Variants in CADM2 observed in about 807,000 individuals in gnomAD.
The protein encoded by CADM2 is cell adhesion molecule 2, also known as immunoglobulin superfamily member 4D.
A neutral mutation model predicts 49.8 loss-of-function variants in CADM2; 12 were observed. The observed-to-expected ratio is 0.24, with a 90% CI of 0.15 to 0.39. CADM2 has a LOEUF of 0.39. CADM2 is among the 10% of genes least tolerant of loss of function. CADM2 has a pLI of 1.00. For missense variants in CADM2, 378 were observed against 492.3 expected, an observed-to-expected ratio of 0.77 and a Z score of 2.20; for synonymous variants, 214 against 175.4, an observed-to-expected ratio of 1.22 and a Z score of -1.74.
At chr3:85,406,397 T>C (rs2035380046) in intron 1 of CADM2, among the ~76,000 whole-genome samples, 1 of 152,172 alleles carries the variant, frequency 6.6e-6, no homozygotes, top group Non-Finnish European at 1.5e-5. Context: ...TGCTATACAT[T>C]TTGAGGTTTA....
chr3:85,291,856 G>T (rs1012196808), intron 1 of CADM2, among the ~76,000 whole-genome samples: 3 of 149,202 alleles, frequency 2.0e-5, no homozygotes, highest in Non-Finnish European at 4.4e-5. Context: ...AAAGACCATC[G>T]AGACTAGGAA....
At chr3:85,245,759 A>T (rs1358953925) in intron 1 of CADM2, among the ~76,000 whole-genome samples, 2 of 152,136 alleles carry the variant, frequency 1.3e-5, no homozygotes, top group Non-Finnish European at 2.9e-5. Flanking sequence ...TAAATGCATT[A>T]GCTATATTAA....
At chr3:85,657,755 T>C (rs1169023517) in intron 1 of CADM2, among the ~76,000 whole-genome samples, 8 of 114,094 alleles carry the variant, frequency 7.0e-5, no homozygotes, top group Admixed American at 2.7e-4. Flanking sequence ...TATATATATA[T>C]ACACAGATAT....
chr3:85,874,991 A>G (rs749205338), intron 3 of CADM2, among the ~76,000 whole-genome samples: 6 of 152,182 alleles, frequency 3.9e-5, no homozygotes, highest in Non-Finnish European at 8.8e-5. Context: ...TCAAATAGTA[A>G]CACAGTTTCC....
At chr3:85,515,719 C>A (rs924693681) in intron 1 of CADM2, among the ~76,000 whole-genome samples, 2 of 150,666 alleles carry the variant, frequency 1.3e-5, no homozygotes, top group Non-Finnish European at 3.0e-5. Flanking sequence ...CCTCGTGGTC[C>A]GCCCACCTCA....
chr3:85,911,417 A>C (rs1462570829), intron 5 of CADM2, among the ~76,000 whole-genome samples: 1 of 152,246 alleles, frequency 6.6e-6, no homozygotes, highest in African/African-American at 2.4e-5. Context: ...TCGATAAATG[A>C]ATTCACATCT....
chr3:85,468,668 A>G (rs11127892), intron 1 of CADM2, among the ~76,000 whole-genome samples: 12,246 of 152,166 alleles, frequency 0.08, 950 homozygotes, highest in African/African-American at 0.19. Flanking sequence ...TTCATTATAC[A>G]TCATTTCACT....
At chr3:85,390,839 A>G (rs1412411898) in intron 1 of CADM2, among the ~76,000 whole-genome samples, 2 of 152,020 alleles carry the variant, frequency 1.3e-5, no homozygotes, top group Non-Finnish European at 2.9e-5. Context: ...AGTCTCCTCC[A>G]TTTACAGCCG....
At chr3:85,724,260 C>T (rs1209358109) in intron 1 of CADM2, among the ~76,000 whole-genome samples, 1 of 151,706 alleles carries the variant, frequency 6.6e-6, no homozygotes, top group East Asian at 1.9e-4. Flanking sequence ...TTAGTGATCT[C>T]TTATTTTAGA....
chr3:85,640,307 G>A (rs560497804), intron 1 of CADM2, among the ~76,000 whole-genome samples: 35 of 152,264 alleles, frequency 2.3e-4, no homozygotes, highest in Non-Finnish European at 2.6e-4. Flanking sequence ...GTTGTTGAAC[G>A]AATGAGCAGA....
intron 1 of CADM2, among the ~76,000 whole-genome samples, chr3:85,347,588 C>CATATATATATACATATATATAAAA (rs201380935): frequency 1.4e-5 from 2 of 139,268 alleles, no homozygotes; most frequent in African/African-American, 2.7e-5. Context: ...TACATATATA[C>CATATATATATACATATATATAAAA]ATATATATAC....
intron 1 of CADM2, among the ~76,000 whole-genome samples, chr3:84,984,272 A>C (rs2032406609): frequency 6.8e-6 from 1 of 146,470 alleles, no homozygotes; most frequent in African/African-American, 2.5e-5. Flanking sequence ...TAGCTTTTCC[A>C]GTCAGCTGCC....
intron 2 of CADM2, among the ~76,000 whole-genome samples, chr3:85,734,290 T>G (rs2068045092): frequency 6.6e-6 from 1 of 152,030 alleles, no homozygotes. Context: ...ACCCTGCTGC[T>G]TTGCTCATGG....
chr3:85,265,218 T>A (rs2107901758), intron 1 of CADM2, among the ~76,000 whole-genome samples: 1 of 152,194 alleles, frequency 6.6e-6, no homozygotes, highest in Non-Finnish European at 1.5e-5. Context: ...TATTTCAAAA[T>A]AATACATTAA....
chr3:85,525,152 T>G (rs1446807000), intron 1 of CADM2, among the ~76,000 whole-genome samples: 1 of 152,140 alleles, frequency 6.6e-6, no homozygotes, highest in South Asian at 2.1e-4. Context: ...GCTTAAAGTA[T>G]AGTAAAAAAT....
At chr3:85,900,290 T>C (rs1048097807) in intron 5 of CADM2, among the ~76,000 whole-genome samples, 3 of 152,176 alleles carry the variant, frequency 2.0e-5, no homozygotes, top group African/African-American at 7.2e-5. Context: ...ATTTCAATGG[T>C]AGTGTGTCTC....
chr3:85,592,808 A>G (rs953309727), intron 1 of CADM2, among the ~76,000 whole-genome samples: 1 of 151,804 alleles, frequency 6.6e-6, no homozygotes, highest in Non-Finnish European at 1.5e-5. Flanking sequence ...GCACCCACCA[A>G]CGCGTCATCT....
chr3:85,693,625 C>T (rs546616506), intron 1 of CADM2, among the ~76,000 whole-genome samples: 4 of 145,136 alleles, frequency 2.8e-5, no homozygotes, highest in South Asian at 2.2e-4. Flanking sequence ...CAGTGGCTCA[C>T]GCCTGTAATC....
At chr3:85,617,122 C>T (rs574321433) in intron 1 of CADM2, among the ~76,000 whole-genome samples, 2 of 152,182 alleles carry the variant, frequency 1.3e-5, no homozygotes, top group Admixed American at 1.3e-4. Context: ...TAATCCAATT[C>T]CCTCACTATC....
Sources: gnomAD v4.1 joint callset for allele counts (sites outside exome capture counted in the v4.1 genomes callset) on GRCh38, gnomAD v4.1.1 for gene constraint, MANE v1.5 for transcripts, NCBI Gene and HGNC (gene_info 2026-07-23, HGNC 2026-07-21) for gene names.